Variants in TNFSF4 observed in about 807,000 individuals in gnomAD.
TNFSF4 encodes TNF superfamily member 4, also known as tumor necrosis factor ligand superfamily member 4.
TNFSF4 carries 4 observed loss-of-function variants against 7.3 expected under a neutral mutation model. That is an observed-to-expected ratio of 0.55 (90% CI 0.27 to 1.25). The LOEUF (loss-of-function observed/expected upper bound fraction) is 1.25. TNFSF4 is among the 50% of genes most tolerant of loss of function. The pLI, the probability that TNFSF4 is intolerant of heterozygous loss-of-function variation, is 0.12. For synonymous variants in TNFSF4, 76 were observed against 83.7 expected, an observed-to-expected ratio of 0.91 and a Z score of 0.50; for missense variants, 181 against 208.8, an observed-to-expected ratio of 0.87 and a Z score of 0.82.
the TNFSF4 span, among the ~76,000 whole-genome samples, chr1:173,396,442 C>T: frequency 6.6e-6 from 1 of 152,056 alleles, no homozygotes; most frequent in Admixed American, 6.6e-5. Flanking sequence ...CCTAGGAGGT[C>T]AAGGCTGCAG....
At chr1:173,409,342 T>G in the TNFSF4 span, among the ~76,000 whole-genome samples, 1 of 152,206 alleles carries the variant, frequency 6.6e-6, no homozygotes, top group Admixed American at 6.5e-5. Flanking sequence ...GAAACTGGAA[T>G]GGTGTCTGCA....
At chr1:173,370,136 C>G in the TNFSF4 span, among the ~76,000 whole-genome samples, 2 of 152,158 alleles carry the variant, frequency 1.3e-5, no homozygotes, top group Non-Finnish European at 2.9e-5. Context: ...CAAGGCAGAC[C>G]TGGCGAAGCT....
At chr1:173,305,168 T>C in the TNFSF4 span, among the ~76,000 whole-genome samples, 1 of 151,942 alleles carries the variant, frequency 6.6e-6, no homozygotes, top group African/African-American at 2.4e-5. Flanking sequence ...TACTACTCCA[T>C]ATGTTATGAA....
chr1:173,392,417 C>T, the TNFSF4 span, among the ~76,000 whole-genome samples: 12 of 152,278 alleles, frequency 7.9e-5, no homozygotes, highest in East Asian at 1.9e-3. Flanking sequence ...TACCCCCAAA[C>T]AACTCTCTGC....
At chr1:173,244,326 C>G in the TNFSF4 span, among the ~76,000 whole-genome samples, 1 of 152,140 alleles carries the variant, frequency 6.6e-6, no homozygotes, top group African/African-American at 2.4e-5. Context: ...TAAGCAAAAG[C>G]TTTGAGCTAG....
chr1:173,248,065 A>G, the TNFSF4 span, among the ~76,000 whole-genome samples: 3 of 152,102 alleles, frequency 2.0e-5, no homozygotes, highest in South Asian at 6.2e-4. Flanking sequence ...CAGCATATGA[A>G]AAGTTCCAGG....
At position 173,198,875 on chromosome 1, in the gene TNFSF4, A is replaced by G. The variant is rs191138493; in HGVS notation, c.153+8149T>C. ...TACAAACTGAGACTGGCGAATGGTA[A>G]CATCATCACAGAATAGCAGTGGGAT... On this transcript the variant is annotated intron_variant, in intron 1 of 2. Transcript: ENST00000281834. Among the ~76,000 whole-genome samples, 340 of 152,346 alleles carry G rather than the reference A, an allele frequency of 2.2e-3. 2 individuals carry two copies. The highest frequency in any genetic ancestry group is 3.6e-3 in the Non-Finnish European group (247 of 68,028).
chr1:173,368,769 G>A, the TNFSF4 span, among the ~76,000 whole-genome samples: 1 of 152,066 alleles, frequency 6.6e-6, no homozygotes, highest in African/African-American at 2.4e-5. Context: ...AGAGAGACTA[G>A]CCCATCTATC....
the TNFSF4 span, among the ~76,000 whole-genome samples, chr1:173,372,737 T>G: frequency 5.3e-5 from 8 of 152,212 alleles, no homozygotes; most frequent in Non-Finnish European, 1.0e-4. Context: ...CGCTACTCCT[T>G]GAGGGACTGG....
At chr1:173,450,399 A>G in the TNFSF4 span, among the ~76,000 whole-genome samples, 1 of 152,132 alleles carries the variant, frequency 6.6e-6, no homozygotes, top group Non-Finnish European at 1.5e-5. Context: ...CAGATAAAGA[A>G]GAGGAAGGAA....
the TNFSF4 span, among the ~76,000 whole-genome samples, chr1:173,303,847 T>C: frequency 6.6e-6 from 1 of 151,938 alleles, no homozygotes. Flanking sequence ...CTCTATATGA[T>C]AGACAAGATT....
At chr1:173,213,771 T>C in the TNFSF4 span, among the ~76,000 whole-genome samples, 1 of 152,234 alleles carries the variant, frequency 6.6e-6, no homozygotes, top group Non-Finnish European at 1.5e-5. Flanking sequence ...ACTGAATATA[T>C]GAGACATTAA....
In TNFSF4 at chr1:173,188,579, G is replaced by A; in HGVS notation, c.154-10C>T. The A allele has an allele frequency of 6.2e-7, 1 of 1,608,324 alleles. No individual in the cohort carries two copies. Among genetic ancestry groups the A allele is most frequent in the Non-Finnish European group, 8.5e-7 (1 of 1,175,364 alleles). ...GATACCGATGTGATACCTGAGGGAG[G>A]AAGAAAGACATATTCTTAGGAAAAA... is the stretch of plus-strand genomic sequence containing the variant. On this transcript the variant is annotated splice_polypyrimidine_tract_variant and intron_variant, in intron 1 of 2. Coordinates refer to ENST00000281834, the MANE Select transcript of TNFSF4 (RefSeq NM_003326.5).
chr1:173,424,137 C>A, the TNFSF4 span, among the ~76,000 whole-genome samples: 3 of 152,250 alleles, frequency 2.0e-5, no homozygotes, highest in African/African-American at 7.2e-5. Flanking sequence ...CGTCTTAATA[C>A]TATCACATTG....
upstream of TNFSF4, among the ~76,000 whole-genome samples, chr1:173,208,985 T>C (rs937649700): frequency 1.3e-5 from 2 of 152,202 alleles, no homozygotes; most frequent in East Asian, 1.9e-4. Flanking sequence ...ACATTTACCA[T>C]GCACATACTT....
chr1:173,422,252 A>C, the TNFSF4 span, among the ~76,000 whole-genome samples: 3 of 148,302 alleles, frequency 2.0e-5, no homozygotes, highest in Admixed American at 2.0e-4. Flanking sequence ...GAGACCCAGA[A>C]ATGGCTTTGC....
the TNFSF4 span, among the ~76,000 whole-genome samples, chr1:173,361,230 C>G: frequency 2.6e-5 from 4 of 152,136 alleles, no homozygotes; most frequent in East Asian, 7.7e-4. Flanking sequence ...CTGAGTGGAT[C>G]TACAAATTTG....
chr1:173,367,864 G>A, the TNFSF4 span, among the ~76,000 whole-genome samples: 1 of 152,192 alleles, frequency 6.6e-6, no homozygotes, highest in African/African-American at 2.4e-5. Context: ...ATTTCATACT[G>A]AGAGGTGAAG....
the TNFSF4 span, among the ~76,000 whole-genome samples, chr1:173,424,128 G>A: frequency 2.0e-5 from 3 of 152,312 alleles, no homozygotes; most frequent in South Asian, 2.1e-4. Context: ...TAGGCCTGTC[G>A]TCTTAATACT....
Sources: allele counts gnomAD v4.1 joint callset (sites outside exome capture counted in the v4.1 genomes callset), GRCh38; gene constraint gnomAD v4.1.1; transcripts MANE v1.5; gene names NCBI Gene and HGNC (gene_info 2026-07-23, HGNC 2026-07-21).